The following PHLPP1 variants were observed in gnomAD, a reference collection of about 807,000 sequenced individuals.
PHLPP1 encodes the protein PH domain and leucine rich repeat protein phosphatase 1, also known as PH domain leucine-rich repeat-containing protein phosphatase 1.
A neutral mutation model predicts 117.2 loss-of-function variants in PHLPP1; 42 were observed. That is an observed-to-expected ratio of 0.36 (90% CI 0.28 to 0.46). The LOEUF (loss-of-function observed/expected upper bound fraction) is 0.46, where lower values mean the gene tolerates loss of function less well. Ranked by LOEUF, PHLPP1 falls within the 20% of genes least tolerant of loss-of-function variation. The pLI, the probability that PHLPP1 is intolerant of heterozygous loss-of-function variation, is 1.00. For missense variants in PHLPP1, 2,084 were observed against 2,241.9 expected (o/e 0.93, Z 1.42); for synonymous variants, 1,042 against 970.7 (o/e 1.07, Z -1.37).
chr18:62,813,956 A>AT lies in PHLPP1; in HGVS notation c.1577-16069dup, dbSNP rs201794053. The stretch of plus-strand genomic sequence containing the variant: ...TTTATGTGAGAATTTTCTTTGGTGG[A>AT]TTTTTTTTTTCCTTTTTAATTACTT... On this transcript the variant is annotated intron_variant, in intron 1 of 16. Coordinates refer to ENST00000262719, the MANE Select transcript of PHLPP1 (RefSeq NM_194449.4). Among the ~76,000 whole-genome samples the AT allele has an allele frequency of 1.6e-3, 235 of 149,292 alleles. 1 individual carries two copies. Among genetic ancestry groups the AT allele is most frequent in the Non-Finnish European group, 1.3e-3 (87 of 67,104 alleles).
At chr18:62,778,265 C>T (rs571345429) in intron 1 of PHLPP1, among the ~76,000 whole-genome samples, 8 of 152,232 alleles carry the variant, frequency 5.3e-5, no homozygotes, top group Admixed American at 4.6e-4. Context: ...GGAACCTTGG[C>T]AGTTAAAAAG....
chr18:62,720,653 T>C (rs1036951021), intron 1 of PHLPP1, among the ~76,000 whole-genome samples: 1 of 152,194 alleles, frequency 6.6e-6, no homozygotes, highest in Non-Finnish European at 1.5e-5. Context: ...TTCGAACGTG[T>C]GACACCAGTG....
intron 2 of PHLPP1, among the ~76,000 whole-genome samples, chr18:62,834,576 A>T (rs1250979985): frequency 3.9e-5 from 6 of 152,216 alleles, no homozygotes; most frequent in Non-Finnish European, 7.3e-5. Flanking sequence ...CTACTTTCGC[A>T]AGATGATACC....
At chr18:62,727,548 C>T (rs567242325) in intron 1 of PHLPP1, among the ~76,000 whole-genome samples, 11 of 146,664 alleles carry the variant, frequency 7.5e-5, no homozygotes, top group Admixed American at 4.9e-4. Context: ...TCCAGGAGTT[C>T]GAGGCTGCTG....
At chr18:62,835,937 C>A (rs939267510) in intron 2 of PHLPP1, among the ~76,000 whole-genome samples, 1 of 151,380 alleles carries the variant, frequency 6.6e-6, no homozygotes, top group African/African-American at 2.4e-5. Flanking sequence ...TGCACCACCA[C>A]GCCCGACTAA....
At chr18:62,903,798 A>T (rs1020397088) in intron 7 of PHLPP1, among the ~76,000 whole-genome samples, 7 of 152,020 alleles carry the variant, frequency 4.6e-5, no homozygotes, top group African/African-American at 1.7e-4. Context: ...AGAAAAGATA[A>T]TTTAAAAAAG....
intron 1 of PHLPP1, among the ~76,000 whole-genome samples, chr18:62,726,785 T>TG (rs1038143430): frequency 2.0e-5 from 3 of 151,702 alleles, no homozygotes; most frequent in Admixed American, 6.6e-5. Flanking sequence ...GGTTTTGCCA[T>TG]GTTGGCCATG....
At chr18:62,952,087 G>A (rs936247601) in intron 12 of PHLPP1, among the ~76,000 whole-genome samples, 20 of 151,910 alleles carry the variant, frequency 1.3e-4, no homozygotes, top group African/African-American at 4.6e-4. Context: ...CAAAGTGCTG[G>A]GATTACAGGC....
At chr18:62,743,674 A>T (rs1911597364) in intron 1 of PHLPP1, among the ~76,000 whole-genome samples, 1 of 152,172 alleles carries the variant, frequency 6.6e-6, no homozygotes, top group African/African-American at 2.4e-5. Flanking sequence ...TATGATCCAA[A>T]TGTGGTCCAA....
intron 10 of PHLPP1, among the ~76,000 whole-genome samples, chr18:62,935,873 C>T (rs1192336181): frequency 1.3e-5 from 2 of 152,094 alleles, no homozygotes; most frequent in Non-Finnish European, 2.9e-5. Context: ...GCTGGTGATG[C>T]ATGCCTGTAA....
intron 10 of PHLPP1, among the ~76,000 whole-genome samples, chr18:62,929,082 GA>G (rs1339870116): frequency 6.6e-6 from 1 of 152,006 alleles, no homozygotes; most frequent in African/African-American, 2.4e-5. Context: ...ACAAGTTTGT[GA>G]AAAAAACTAA....
Position 62,766,060 on chromosome 18 carries a change from CAAAAA to C in PHLPP1, c.1576+48814_1576+48818del, listed in dbSNP as rs1168861892. 3.3e-4 allele frequency among the ~76,000 whole-genome samples: 5 copies of C among 15,232 alleles called. No individual in the cohort carries two copies. The Admixed American group carries it at 3.6e-3, about 11-fold the overall frequency. 10.0% of individuals were successfully genotyped at this position (15,232 alleles called of 152,430 possible). A position where few individuals can be genotyped will look rare whatever the true frequency, so the allele number is the denominator to read the frequency against. ...TGGGCGACAGAGCTAGACTCCATCT[CAAAAA>C]AAAAAAAAAAAATATATATATATAT... On this transcript the variant is annotated intron_variant, in intron 1 of 16. Transcript: ENST00000262719.
chr18:62,950,652 G>A (rs974768692), intron 12 of PHLPP1, among the ~76,000 whole-genome samples: 4 of 152,200 alleles, frequency 2.6e-5, no homozygotes, highest in Non-Finnish European at 5.9e-5. Context: ...GTTGGGTGGC[G>A]TAGTTGACAT....
intron 1 of PHLPP1, among the ~76,000 whole-genome samples, chr18:62,747,276 CTTTTTTTT>C (rs564178033): frequency 1.6e-5 from 2 of 123,210 alleles, no homozygotes; most frequent in African/African-American, 6.4e-5. Flanking sequence ...TCTTCATTTC[CTTTTTTTT>C]TTTTTTTTTT....
intron 6 of PHLPP1, among the ~76,000 whole-genome samples, chr18:62,896,976 C>A (rs1916578909): frequency 6.6e-6 from 1 of 152,142 alleles, no homozygotes; most frequent in Non-Finnish European, 1.5e-5. Flanking sequence ...TTGAGAATTT[C>A]TTGGAATGTG....
At chr18:62,811,500 C>T (rs1396898974) in intron 1 of PHLPP1, among the ~76,000 whole-genome samples, 1 of 150,270 alleles carries the variant, frequency 6.7e-6, no homozygotes, top group South Asian at 2.1e-4. Context: ...ATTCACCAAT[C>T]CGTTTACTAT....
intron 16 of PHLPP1, among the ~76,000 whole-genome samples, chr18:62,977,940 T>C (rs1319417505): frequency 1.3e-5 from 2 of 152,196 alleles, no homozygotes; most frequent in East Asian, 3.8e-4. Flanking sequence ...ATGCTTGCTG[T>C]GTAAGGCTAG....
At chr18:62,957,580 C>T (rs777074799) in intron 12 of PHLPP1, among the ~76,000 whole-genome samples, 13 of 151,848 alleles carry the variant, frequency 8.6e-5, no homozygotes, top group Non-Finnish European at 1.9e-4. Flanking sequence ...CCTCATTTTA[C>T]ATGTTCTTTT....
intron 15 of PHLPP1, among the ~76,000 whole-genome samples, chr18:62,973,355 A>G (rs1450218409): frequency 6.6e-6 from 1 of 152,236 alleles, no homozygotes; most frequent in Non-Finnish European, 1.5e-5. Context: ...GGATTCCTTC[A>G]TTCAGAGAAT....
Sources: allele counts gnomAD v4.1 joint callset (sites outside exome capture counted in the v4.1 genomes callset), GRCh38; gene constraint gnomAD v4.1.1; transcripts MANE v1.5; gene names NCBI Gene and HGNC (gene_info 2026-07-23, HGNC 2026-07-21).